CNTN3: variants seen among roughly 807,000 people sequenced by gnomAD.
CNTN3 encodes contactin-3.
CNTN3 carries 60 observed loss-of-function variants against 119.1 expected under a neutral mutation model. That is an observed-to-expected ratio of 0.50 (90% CI 0.41 to 0.62). The LOEUF is 0.62. Ranked by LOEUF, CNTN3 falls within the 20% of genes least tolerant of loss-of-function variation. CNTN3 has a pLI of 0.00. For synonymous variants in CNTN3, 450 were observed against 438.7 expected (o/e 1.03, Z -0.32); for missense variants, 1,101 against 1,242.4 (o/e 0.89, Z 1.71).
intron 4 of CNTN3, among the ~76,000 whole-genome samples, chr3:74,471,588 T>C (rs923788473): frequency 2.4e-4 from 36 of 152,258 alleles, no homozygotes; most frequent in African/African-American, 7.5e-4. Context: ...GCCTCTAAAG[T>C]GCTTGGAATA....
intron 1 of CNTN3, among the ~76,000 whole-genome samples, chr3:74,539,088 T>C (rs1390974393): frequency 6.6e-6 from 1 of 152,114 alleles, no homozygotes; most frequent in Non-Finnish European, 1.5e-5. Flanking sequence ...TTTCGATATA[T>C]GCTAAGATAT....
At chr3:74,570,151 T>C (rs34831570) in intron 1 of CNTN3, among the ~76,000 whole-genome samples, 31 of 151,984 alleles carry the variant, frequency 2.0e-4, no homozygotes, top group Non-Finnish European at 3.7e-4. Context: ...TCATAGGATG[T>C]GATATCATGG....
intron 19 of CNTN3, among the ~76,000 whole-genome samples, chr3:74,294,901 T>C (rs1173706323): frequency 2.6e-5 from 4 of 152,260 alleles, no homozygotes; most frequent in African/African-American, 4.8e-5. Context: ...TGATTTCCTT[T>C]CATATTCTTT....
At chr3:74,317,983 C>T (rs1441390439) in intron 13 of CNTN3, among the ~76,000 whole-genome samples, 4 of 152,168 alleles carry the variant, frequency 2.6e-5, no homozygotes, top group Non-Finnish European at 4.4e-5. Flanking sequence ...ACCAATCAGA[C>T]GTAGATTTGG....
intron 11 of CNTN3, among the ~76,000 whole-genome samples, chr3:74,361,208 C>T (rs1704066732): frequency 6.6e-6 from 1 of 152,104 alleles, no homozygotes; most frequent in Non-Finnish European, 1.5e-5. Context: ...CAGGTGTTTA[C>T]CTAAGTGCTT....
At chr3:74,563,734 G>T (rs1348292160) in intron 1 of CNTN3, among the ~76,000 whole-genome samples, 2 of 152,092 alleles carry the variant, frequency 1.3e-5, no homozygotes, top group African/African-American at 2.4e-5. Flanking sequence ...TCATTTTAGT[G>T]CAGTGGCACA....
At chr3:74,456,129 T>C (rs1447779308) in intron 4 of CNTN3, among the ~76,000 whole-genome samples, 1 of 152,122 alleles carries the variant, frequency 6.6e-6, no homozygotes, top group Non-Finnish European at 1.5e-5. Context: ...AACAGGCATA[T>C]AGCAATTGCT....
At chr3:74,554,495 A>G (rs1704040415) in intron 1 of CNTN3, among the ~76,000 whole-genome samples, 1 of 152,110 alleles carries the variant, frequency 6.6e-6, no homozygotes, top group Non-Finnish European at 1.5e-5. Flanking sequence ...GGAATCTATA[A>G]ATTACTTTGG....
At chr3:74,508,957 T>C (rs187388577) in intron 2 of CNTN3, among the ~76,000 whole-genome samples, 1 of 152,294 alleles carries the variant, frequency 6.6e-6, no homozygotes, top group East Asian at 1.9e-4. Flanking sequence ...AGAGTATCAC[T>C]GGGCCCAAGA....
chr3:74,430,860 T>G (rs1461834427), intron 4 of CNTN3, among the ~76,000 whole-genome samples: 3 of 152,108 alleles, frequency 2.0e-5, no homozygotes, highest in Admixed American at 2.0e-4. Context: ...CATATTTCCT[T>G]ATTTCCTTTT....
chr3:74,553,184 T>C (rs557378762), intron 1 of CNTN3, among the ~76,000 whole-genome samples: 1 of 148,492 alleles, frequency 6.7e-6, no homozygotes, highest in East Asian at 2.1e-4. Context: ...GAGCATGCAG[T>C]GTTTGGTTTT....
intron 13 of CNTN3, among the ~76,000 whole-genome samples, chr3:74,322,028 A>G (rs548022645): frequency 6.6e-6 from 1 of 152,258 alleles, no homozygotes; most frequent in South Asian, 2.1e-4. Flanking sequence ...TCCACTAAAA[A>G]TACAAAAATT....
intron 1 of CNTN3, among the ~76,000 whole-genome samples, chr3:74,554,055 T>C (rs552115501): frequency 2.0e-5 from 3 of 152,306 alleles, no homozygotes; most frequent in South Asian, 4.2e-4. Context: ...TCCTAGGTCT[T>C]ACATTTAAGT....
chr3:74,564,434 T>A (rs910462679), intron 1 of CNTN3, among the ~76,000 whole-genome samples: 15 of 151,820 alleles, frequency 9.9e-5, no homozygotes, highest in African/African-American at 3.1e-4. Flanking sequence ...TGTTGGAATG[T>A]TTTCAGCAAG....
At position 74,273,364 on chromosome 3, in the gene CNTN3, G is replaced by A. The variant is rs182821147; in HGVS notation, c.2705-5986C>T. Among the ~76,000 whole-genome samples the A allele has an allele frequency of 1.8e-3, 281 of 152,286 alleles. 1 individual carries two copies. Among genetic ancestry groups the A allele is most frequent in the South Asian group, 8.9e-3 (43 of 4,820 alleles). On this transcript the variant is annotated intron_variant, in intron 20 of 22. Coordinates refer to ENST00000263665, the MANE Select transcript of CNTN3 (RefSeq NM_020872.3). The stretch of plus-strand genomic sequence containing the variant: ...AGAGCAGTGTGTGGAGGCTTGCATT[G>A]TGAATTTTAGTTCCAGAACAACTGC...
At chr3:74,588,030 T>C (rs1465198388) in intron 1 of CNTN3, among the ~76,000 whole-genome samples, 1 of 152,130 alleles carries the variant, frequency 6.6e-6, no homozygotes, top group Non-Finnish European at 1.5e-5. Context: ...TCAAAGGCCT[T>C]TTCTGCATCT....
intron 4 of CNTN3, among the ~76,000 whole-genome samples, chr3:74,435,404 T>A (rs1701849852): frequency 6.6e-6 from 1 of 152,160 alleles, no homozygotes; most frequent in Non-Finnish European, 1.5e-5. Flanking sequence ...CACAAACTCT[T>A]GGGCTCAAGC....
Position 74,447,085 on chromosome 3 carries a change from C to T in CNTN3, c.359-22145G>A, listed in dbSNP as rs113980533. On this transcript the variant is annotated intron_variant, in intron 4 of 22. Coordinates refer to ENST00000263665, the MANE Select transcript of CNTN3 (RefSeq NM_020872.3). ...ACACTTCAATGTGGTAAATGAGGAG[C>T]GCCTGACAATGAGAAAGATATAAAG... 5.4e-3 allele frequency among the ~76,000 whole-genome samples: 829 copies of T among 152,162 alleles called. 5 individuals carry two copies. Among genetic ancestry groups the T allele is most frequent in the African/African-American group, 0.019 (783 of 41,510 alleles).
chr3:74,496,344 G>A (rs151133313), intron 3 of CNTN3, among the ~76,000 whole-genome samples: 64 of 152,160 alleles, frequency 4.2e-4, no homozygotes, highest in Middle Eastern at 3.4e-3. Context: ...TGGTAATACC[G>A]GACCAGGATT....
Sources: allele counts gnomAD v4.1 joint callset (sites outside exome capture counted in the v4.1 genomes callset), GRCh38; gene constraint gnomAD v4.1.1; transcripts MANE v1.5; gene names NCBI Gene and HGNC (gene_info 2026-07-23, HGNC 2026-07-21).